UNC13C: variants seen among roughly 807,000 people sequenced by gnomAD.
UNC13C encodes the protein protein unc-13 homolog C.
UNC13C carries 174 observed loss-of-function variants against 245.4 expected under a neutral mutation model. The observed-to-expected ratio is 0.71, with a 90% confidence interval of 0.63 to 0.80. The LOEUF (loss-of-function observed/expected upper bound fraction) is 0.80, where lower values mean the gene tolerates loss of function less well. Among genes scored for constraint, UNC13C ranks in the 30% least tolerant of loss-of-function variants. The probability of loss-of-function intolerance (pLI) is 0.00; values close to 1 mark genes in which losing one functional copy is unlikely to be tolerated. For missense variants in UNC13C, 2,829 were observed against 2,602.9 expected, an observed-to-expected ratio of 1.09 and a Z score of -1.89; for synonymous variants, 992 against 895.1, an observed-to-expected ratio of 1.11 and a Z score of -1.93.
chr15:54,118,885 A>G (rs919615990), intron 2 of UNC13C, among the ~76,000 whole-genome samples: 30 of 147,522 alleles, frequency 2.0e-4, no homozygotes, highest in African/African-American at 7.2e-4. Context: ...TTCAGCATCT[A>G]TTGAAATGAT....
the UNC13C span, among the ~76,000 whole-genome samples, chr15:53,863,824 A>T: frequency 6.6e-6 from 1 of 152,064 alleles, no homozygotes; most frequent in Non-Finnish European, 1.5e-5. Flanking sequence ...TCCAGCATCG[A>T]CTTCTCTTTG....
rs370397338 is a variant in UNC13C at position 54,020,377 on chromosome 15, C to T, written c.2983+4491C>T. On this transcript the variant is annotated intron_variant, in intron 2 of 32. Transcript: ENST00000260323. ...GCAACCTCCTCCTCCTGGGTTCAAG[C>T]GATTCTCCTGCCTCAGCCTCCCGAG... 4.2e-3 allele frequency among the ~76,000 whole-genome samples: 625 copies of T among 149,854 alleles called. 35 individuals carry two copies. The South Asian group carries it at 0.12, about 29-fold the overall frequency.
chr15:54,389,064 T>A (rs2140910779), intron 17 of UNC13C, among the ~76,000 whole-genome samples: 1 of 152,262 alleles, frequency 6.6e-6, no homozygotes, highest in Admixed American at 6.5e-5. Context: ...CATGTTTGGT[T>A]TCAATGCAAA....
At chr15:54,223,782 TTC>T (rs2035295633) in intron 4 of UNC13C, among the ~76,000 whole-genome samples, 1 of 152,060 alleles carries the variant, frequency 6.6e-6, no homozygotes, top group African/African-American at 2.4e-5. Flanking sequence ...TGGAATATTT[TTC>T]TGTTTTTTGG....
At chr15:54,226,605 C>T (rs551248051) in intron 4 of UNC13C, among the ~76,000 whole-genome samples, 121 of 152,330 alleles carry the variant, frequency 7.9e-4, no homozygotes, top group African/African-American at 2.8e-3. Flanking sequence ...CCAGATCCTA[C>T]ACCAGCCAAG....
intron 19 of UNC13C, among the ~76,000 whole-genome samples, chr15:54,433,428 C>T (rs2040912975): frequency 1.3e-5 from 2 of 152,046 alleles, no homozygotes; most frequent in Non-Finnish European, 2.9e-5. Flanking sequence ...TCTGGTTCAA[C>T]ATATGCAAAT....
At chr15:54,262,962 G>A (rs1028953076) in intron 8 of UNC13C, among the ~76,000 whole-genome samples, 1 of 151,910 alleles carries the variant, frequency 6.6e-6, no homozygotes, top group Non-Finnish European at 1.5e-5. Flanking sequence ...TACTTAAATT[G>A]GGCTCAACAT....
At chr15:54,369,222 G>C (rs12593070) in intron 17 of UNC13C, among the ~76,000 whole-genome samples, 27,119 of 151,490 alleles carry the variant, frequency 0.18, 2,627 homozygotes, top group East Asian at 0.43. Context: ...TTGAATGCTA[G>C]AGGACATCAG....
In UNC13C at chr15:54,235,025, T is replaced by C; in HGVS notation, c.3072-5T>C. On this transcript the variant is annotated splice_region_variant and splice_polypyrimidine_tract_variant and intron_variant, in intron 4 of 32. Coordinates refer to ENST00000260323, the MANE Select transcript of UNC13C (RefSeq NM_001080534.3). ...TGCAATTATTGGTTTTATTTTGTCTTTCAGGGCTGGAGGTGGACTTTATGG... is the reference window on the plus strand; with the variant it reads ...TGCAATTATTGGTTTTATTTTGTCTCTCAGGGCTGGAGGTGGACTTTATGG... 1 of 1,613,682 alleles carries C rather than the reference T, an allele frequency of 6.2e-7. No homozygotes were observed. The highest frequency in any genetic ancestry group is 8.5e-7 in the Non-Finnish European group (1 of 1,179,698).
intron 11 of UNC13C, among the ~76,000 whole-genome samples, chr15:54,295,185 A>G (rs2037397070): frequency 6.6e-6 from 1 of 152,178 alleles, no homozygotes. Context: ...TTACTAACTG[A>G]GGGTAAATTT....
chr15:54,090,990 A>G (rs1181536854), intron 2 of UNC13C, among the ~76,000 whole-genome samples: 2 of 149,088 alleles, frequency 1.3e-5, no homozygotes, highest in Non-Finnish European at 3.0e-5. Context: ...GTGCACACTT[A>G]GCCTCAATTC....
chr15:54,360,591 C>T (rs1329559918), intron 17 of UNC13C, among the ~76,000 whole-genome samples: 1 of 151,988 alleles, frequency 6.6e-6, no homozygotes, highest in Non-Finnish European at 1.5e-5. Context: ...TCTGTTTTAT[C>T]TGATATAAGC....
At chr15:54,068,509 A>G (rs1898172770) in intron 2 of UNC13C, among the ~76,000 whole-genome samples, 1 of 152,204 alleles carries the variant, frequency 6.6e-6, no homozygotes, top group South Asian at 2.1e-4. Context: ...CTGTAACTGT[A>G]CAATGGCAAA....
intron 18 of UNC13C, among the ~76,000 whole-genome samples, chr15:54,396,514 TATTC>T (rs2040073200): frequency 6.6e-6 from 1 of 151,686 alleles, no homozygotes; most frequent in Non-Finnish European, 1.5e-5. Context: ...ACAATATGTT[TATTC>T]ATTCATCTGT....
At chr15:54,299,591 A>C (rs2037523545) in intron 12 of UNC13C, among the ~76,000 whole-genome samples, 1 of 152,172 alleles carries the variant, frequency 6.6e-6, no homozygotes, top group Non-Finnish European at 1.5e-5. Flanking sequence ...TGAATCATTG[A>C]TTCTGTGTAG....
the UNC13C span, among the ~76,000 whole-genome samples, chr15:53,961,705 A>G: frequency 6.6e-6 from 1 of 152,220 alleles, no homozygotes; most frequent in Non-Finnish European, 1.5e-5. Flanking sequence ...CCATTGAATA[A>G]TATTACTGCT....
intron 14 of UNC13C, among the ~76,000 whole-genome samples, chr15:54,327,473 C>G (rs1034417798): frequency 2.6e-5 from 4 of 151,874 alleles, no homozygotes; most frequent in Non-Finnish European, 5.9e-5. Context: ...ATGCCACATG[C>G]GTTTTAGTGA....
At chr15:53,922,735 G>A in the UNC13C span, among the ~76,000 whole-genome samples, 1 of 152,118 alleles carries the variant, frequency 6.6e-6, no homozygotes, top group Non-Finnish European at 1.5e-5. Context: ...CAATATTGAA[G>A]AAAGAAACAA....
chr15:54,368,380 C>T (rs776584126), intron 17 of UNC13C, among the ~76,000 whole-genome samples: 2 of 151,894 alleles, frequency 1.3e-5, no homozygotes, highest in Non-Finnish European at 2.9e-5. Context: ...ATATTCAAAT[C>T]GAATGTTATC....
Sources: gnomAD v4.1 joint callset for allele counts (sites outside exome capture counted in the v4.1 genomes callset) on GRCh38, gnomAD v4.1.1 for gene constraint, MANE v1.5 for transcripts, NCBI Gene and HGNC (gene_info 2026-07-23, HGNC 2026-07-21) for gene names.